Variants in PLD5 observed in about 807,000 individuals in gnomAD.
PLD5 encodes the protein phospholipase D family member 5.
A neutral mutation model predicts 61.1 loss-of-function variants in PLD5; 36 were observed. That is an observed-to-expected ratio of 0.59 (90% confidence interval 0.45 to 0.78). PLD5 has a LOEUF of 0.78. Among genes scored for constraint, PLD5 ranks in the 30% least tolerant of loss-of-function variants. The pLI is 0.00. For synonymous variants in PLD5, 243 were observed against 242.8 expected, an observed-to-expected ratio of 1.00 and a Z score of -0.01; for missense variants, 515 against 644.4, an observed-to-expected ratio of 0.80 and a Z score of 2.17.
rs557909113 is a variant in PLD5, at chr1:242,241,322, T to A, written c.608-21207A>T. ...TATCATATTGAAAAAGCCCTGCTGA[T>A]TATCTTTTCATGGTCCCAGAAGTTA... On this transcript the variant is annotated intron_variant, in intron 4 of 9. Transcript: ENST00000536534. 3.9e-5 allele frequency among the ~76,000 whole-genome samples: 6 copies of A among 152,256 alleles called. No homozygotes were observed. In the East Asian group the frequency reaches 1.2e-3, roughly 29 times the overall value.
At chr1:242,418,876 T>C (rs1470416387) in intron 1 of PLD5, among the ~76,000 whole-genome samples, 2 of 152,248 alleles carry the variant, frequency 1.3e-5, no homozygotes, top group Non-Finnish European at 2.9e-5. Context: ...TAGAGTCATG[T>C]GGCAATGCCA....
intron 1 of PLD5, among the ~76,000 whole-genome samples, chr1:242,402,027 CCG>C (rs1326034861): frequency 6.6e-6 from 1 of 152,218 alleles, no homozygotes; most frequent in Non-Finnish European, 1.5e-5. Flanking sequence ...ACCCCGGCTT[CCG>C]CCTGCACCAT....
intron 3 of PLD5, among the ~76,000 whole-genome samples, chr1:242,279,959 T>C (rs1327194350): frequency 6.6e-6 from 1 of 152,130 alleles, no homozygotes; most frequent in African/African-American, 2.4e-5. Flanking sequence ...TTTTGTAAGA[T>C]TACATAGAGA....
In PLD5 at chr1:242,489,262, T is replaced by C. The variant is rs567509652; in HGVS notation, c.189+34826A>G. 3.3e-5 allele frequency among the ~76,000 whole-genome samples: 5 copies of C among 152,078 alleles called. No individual in the cohort carries two copies. The Middle Eastern group carries it at 0.01, about 310-fold the overall frequency. ...CATCATCCGTCCCTTTTTGGGGTGA[T>C]GGAGGCATTATATATCTTGATTGAG... On this transcript the variant is annotated intron_variant, in intron 1 of 9. Coordinates refer to ENST00000536534, the MANE Select transcript of PLD5 (RefSeq NM_001372062.1).
intron 5 of PLD5, among the ~76,000 whole-genome samples, chr1:242,152,763 A>C (rs1050272728): frequency 6.6e-6 from 1 of 152,088 alleles, no homozygotes; most frequent in African/African-American, 2.4e-5. Flanking sequence ...TCACTGATGG[A>C]CATTTGGGTT....
chr1:242,407,561 G>GT lies in PLD5; in HGVS notation c.190-59320dup, dbSNP rs58679212. Among the ~76,000 whole-genome samples the GT allele has an allele frequency of 7.2e-3, 939 of 130,260 alleles. 9 individuals carry two copies. Among genetic ancestry groups the GT allele is most frequent in the East Asian group, 0.015 (68 of 4,630 alleles). 85.5% of individuals were successfully genotyped at this position (130,260 alleles called of 152,430 possible). Reference sequence around the variant, plus strand: ...ATAGTTTTTTTGTTGTGGTTGTTTTGTTTTTTTTTTTTTTTTTTGAGACGG... The same window carrying GT: ...ATAGTTTTTTTGTTGTGGTTGTTTTGTTTTTTTTTTTTTTTTTTTGAGACGG... On this transcript the variant is annotated intron_variant, in intron 1 of 9. Transcript: ENST00000536534.
In PLD5 at chr1:242,468,678, C is replaced by G. The variant is rs529178755; in HGVS notation, c.189+55410G>C. On this transcript the variant is annotated intron_variant, in intron 1 of 9. Transcript: ENST00000536534. ...CAATATCAGCATATGTAAATACATA[C>G]ACACACACACATACACACACACGCA... Among the ~76,000 whole-genome samples the G allele has an allele frequency of 3.3e-5, 5 of 150,244 alleles. No homozygotes were observed. In the South Asian group the frequency reaches 1.0e-3, roughly 31 times the overall value.
At chr1:242,446,686 A>G (rs1461734130) in intron 1 of PLD5, among the ~76,000 whole-genome samples, 1 of 152,202 alleles carries the variant, frequency 6.6e-6, no homozygotes, top group East Asian at 1.9e-4. Flanking sequence ...AATTGGTCAG[A>G]GTAGGAACAT....
At chr1:242,099,788 G>A (rs1164221057) in intron 9 of PLD5, among the ~76,000 whole-genome samples, 1 of 152,192 alleles carries the variant, frequency 6.6e-6, no homozygotes, top group African/African-American at 2.4e-5. Context: ...AATTGATACA[G>A]ATTTTCTATT....
chr1:242,234,723 A>G (rs1487164908), intron 4 of PLD5, among the ~76,000 whole-genome samples: 1 of 152,160 alleles, frequency 6.6e-6, no homozygotes, highest in Non-Finnish European at 1.5e-5. Flanking sequence ...TGTGGGCACC[A>G]GACATGCTCT....
intron 6 of PLD5, among the ~76,000 whole-genome samples, chr1:242,120,696 T>A (rs1381207557): frequency 6.6e-6 from 1 of 152,154 alleles, no homozygotes; most frequent in African/African-American, 2.4e-5. Context: ...AACATCTAGA[T>A]CAATAAAAAC....
At chr1:242,136,379 T>C (rs1404382154) in intron 5 of PLD5, among the ~76,000 whole-genome samples, 1 of 151,930 alleles carries the variant, frequency 6.6e-6, no homozygotes, top group African/African-American at 2.4e-5. Flanking sequence ...AATATACTCT[T>C]GACTTACACC....
intron 1 of PLD5, among the ~76,000 whole-genome samples, chr1:242,391,409 C>T (rs1373694577): frequency 6.6e-6 from 1 of 151,822 alleles, no homozygotes; most frequent in African/African-American, 2.4e-5. Flanking sequence ...TCCTAAAAAC[C>T]CTGATTTTAA....
At chr1:242,381,928 G>A (rs1662300778) in intron 1 of PLD5, among the ~76,000 whole-genome samples, 1 of 152,108 alleles carries the variant, frequency 6.6e-6, no homozygotes, top group South Asian at 2.1e-4. Context: ...ACAGCTAGGA[G>A]TCCACCTATT....
chr1:242,327,682 T>C (rs541812559), intron 2 of PLD5, among the ~76,000 whole-genome samples: 12 of 152,328 alleles, frequency 7.9e-5, no homozygotes, highest in African/African-American at 2.9e-4. Flanking sequence ...TGTGGTCTAA[T>C]TGTCATCATC....
intron 1 of PLD5, among the ~76,000 whole-genome samples, chr1:242,460,509 C>T (rs976882081): frequency 6.6e-6 from 1 of 152,136 alleles, no homozygotes; most frequent in Admixed American, 6.5e-5. Flanking sequence ...GTTCAACACT[C>T]TAGGCTTTCA....
At chr1:242,377,094 T>C in intron 1 of PLD5, 3 of 1,611,806 alleles carry the variant, frequency 1.9e-6, no homozygotes, top group Non-Finnish European at 2.5e-6. Flanking sequence ...GTTCTCCTGT[T>C]GGTTATCTTC....
intron 1 of PLD5, among the ~76,000 whole-genome samples, chr1:242,462,654 G>C (rs1667154805): frequency 6.6e-6 from 1 of 151,832 alleles, no homozygotes; most frequent in East Asian, 1.9e-4. Context: ...CTCCCCTGGA[G>C]CCATTGCCTG....
chr1:242,304,993 C>T (rs887641284), intron 2 of PLD5, among the ~76,000 whole-genome samples: 1 of 152,130 alleles, frequency 6.6e-6, no homozygotes, highest in South Asian at 2.1e-4. Context: ...GTAGTCCCAG[C>T]TACCCCGGAG....
Sources: gnomAD v4.1 joint callset for allele counts (sites outside exome capture counted in the v4.1 genomes callset) on GRCh38, gnomAD v4.1.1 for gene constraint, MANE v1.5 for transcripts, NCBI Gene and HGNC (gene_info 2026-07-23, HGNC 2026-07-21) for gene names.